The following LAMC1 variants were observed in gnomAD, a reference collection of about 807,000 sequenced individuals.
LAMC1 encodes laminin subunit gamma-1.
A neutral mutation model predicts 173.6 loss-of-function variants in LAMC1; 38 were observed. The ratio of observed to expected loss-of-function variants is 0.22; its 90% CI spans 0.17 to 0.29. LAMC1 has a LOEUF of 0.29. Ranked by LOEUF, LAMC1 falls within the 10% of genes least tolerant of loss-of-function variation. The pLI, the probability that LAMC1 is intolerant of heterozygous loss-of-function variation, is 1.00. For missense variants in LAMC1, 1,824 were observed against 2,051.8 expected, an observed-to-expected ratio of 0.89 and a Z score of 2.14; for synonymous variants, 746 against 749.1, an observed-to-expected ratio of 1.00 and a Z score of 0.07.
chr1:183,036,280 A>G (rs976535280), intron 1 of LAMC1, among the ~76,000 whole-genome samples: 13 of 148,952 alleles, frequency 8.7e-5, no homozygotes, highest in Admixed American at 5.4e-4. Context: ...TGGATTTTTT[A>G]GTAGAGATGG....
intron 19 of LAMC1, among the ~76,000 whole-genome samples, chr1:183,130,894 G>T (rs1239632155): frequency 6.6e-6 from 1 of 152,152 alleles, no homozygotes; most frequent in African/African-American, 2.4e-5. Flanking sequence ...TATTCTTGGG[G>T]CCAGGCGCGG....
rs1370273839 is a variant in LAMC1, at chr1:183,063,659, A to AT, written c.418+39531dup. Among the ~76,000 whole-genome samples, 4 of 152,182 alleles carry AT rather than the reference A, an allele frequency of 2.6e-5. No individual in the cohort carries two copies. In the East Asian group the frequency reaches 7.7e-4, roughly 29 times the overall value. On this transcript the variant is annotated intron_variant, in intron 1 of 27. Transcript: ENST00000258341. ...GTAATGTCTTATAAATCTTCCATGT[A>AT]TTTTTTCTGCAGAAACAAAAACAAA...
At chr1:183,058,794 A>G (rs1654666881) in intron 1 of LAMC1, among the ~76,000 whole-genome samples, 1 of 152,184 alleles carries the variant, frequency 6.6e-6, no homozygotes, top group Admixed American at 6.5e-5. Flanking sequence ...TCCCTGGAGC[A>G]TGAAAGAAGG....
intron 3 of LAMC1, 67 bp downstream of exon 3, chr1:183,108,473 T>G (rs1031976979): frequency 2.1e-6 from 3 of 1,415,884 alleles, no homozygotes; most frequent in African/African-American, 2.9e-5. Context: ...ATCTAGCAAC[T>G]TGTTTACAAC....
At chr1:183,063,582 G>C (rs1384574391) in intron 1 of LAMC1, among the ~76,000 whole-genome samples, 1 of 152,180 alleles carries the variant, frequency 6.6e-6, no homozygotes, top group Non-Finnish European at 1.5e-5. Context: ...TGCTTTTGTA[G>C]GGGCCATGCT....
intron 1 of LAMC1, among the ~76,000 whole-genome samples, chr1:183,101,380 A>G (rs541586632): frequency 2.6e-5 from 4 of 151,604 alleles, no homozygotes; most frequent in Admixed American, 6.6e-5. Flanking sequence ...TAAAACTTGC[A>G]TTCTTTTAAC....
intron 1 of LAMC1, among the ~76,000 whole-genome samples, chr1:183,089,776 G>C (rs112274101): frequency 0.021 from 3,159 of 152,276 alleles, 59 homozygotes; most frequent in South Asian, 0.079. Flanking sequence ...CTAGGACATA[G>C]TTTTTAATCT....
chr1:183,043,455 A>C (rs1654192251), intron 1 of LAMC1, among the ~76,000 whole-genome samples: 1 of 152,216 alleles, frequency 6.6e-6, no homozygotes, highest in Non-Finnish European at 1.5e-5. Flanking sequence ...GATAGTGATA[A>C]AACTACTGAA....
Position 183,121,718 on chromosome 1 carries a change from C to T in LAMC1, c.1991-5C>T. On this transcript the variant is annotated splice_region_variant and splice_polypyrimidine_tract_variant and intron_variant, in intron 11 of 27. Coordinates refer to ENST00000258341, the MANE Select transcript of LAMC1 (RefSeq NM_002293.4). Reference sequence around the variant, plus strand: ...CAGTGATTTTCTTTTCCTCACTATACACAGGTGCTGGATATTTGGATGATG... The same window carrying T: ...CAGTGATTTTCTTTTCCTCACTATATACAGGTGCTGGATATTTGGATGATG... The T allele has an allele frequency of 1.2e-6, 2 of 1,612,202 alleles. No homozygotes were observed. The highest frequency in any genetic ancestry group is 8.5e-7 in the Non-Finnish European group (1 of 1,179,102).
Position 183,103,525 on chromosome 1 carries a change from A to G in LAMC1, c.616A>G (p.Thr206Ala), listed in dbSNP as rs1182701637. 12 of 1,614,004 alleles carry G rather than the reference A, an allele frequency of 7.4e-6. No homozygotes were observed. Among genetic ancestry groups the G allele is most frequent in the Non-Finnish European group, 9.3e-6 (11 of 1,180,026 alleles). The change falls in exon 2 of 28, where the codon ACT (threonine) becomes GCT (alanine). Residue 206 changes from threonine to alanine, a missense_variant. Thr to Ala is a moderately conservative substitution (Grantham distance 58, BLOSUM62 0). Coordinates refer to ENST00000258341, the MANE Select transcript of LAMC1 (RefSeq NM_002293.4). ...TGGDEQQALC[T>A]DEFSDISPLT... is the part of the protein sequence containing the mutation. ...AGGGGACGAGCAGCAGGCCTTGTGT[A>G]CTGATGAATTCAGTGACATTTCTCC... is the stretch of plus-strand genomic sequence containing the variant.
chr1:183,118,220 T>G, intron 11 of LAMC1, 74 bp downstream of exon 11: 1 of 862,250 alleles, frequency 1.2e-6, no homozygotes, highest in Admixed American at 2.1e-5. Flanking sequence ...AATGCAAAAG[T>G]TTCTCTTTCC....
intron 1 of LAMC1, among the ~76,000 whole-genome samples, chr1:183,053,564 T>G (rs903349330): frequency 1.3e-4 from 20 of 152,196 alleles, no homozygotes; most frequent in African/African-American, 4.6e-4. Context: ...TGGCTGAATC[T>G]GATCAGAACA....
chr1:183,097,029 C>T (rs1655711208), intron 1 of LAMC1, among the ~76,000 whole-genome samples: 1 of 152,152 alleles, frequency 6.6e-6, no homozygotes, highest in Non-Finnish European at 1.5e-5. Context: ...GAGGATCCCA[C>T]AGTCAGTATT....
In LAMC1 at chr1:183,103,109, A is replaced by G. The variant is rs138856779; in HGVS notation, c.419-219A>G. On this transcript the variant is annotated intron_variant, in intron 1 of 27. Transcript: ENST00000258341. ...TGCACACAACATTTCCACAATGCACATCACGACAGGCCTTTATGAGCCAAC... is the reference window on the plus strand; with the variant it reads ...TGCACACAACATTTCCACAATGCACGTCACGACAGGCCTTTATGAGCCAAC... 1.9e-4 allele frequency among the ~76,000 whole-genome samples: 29 copies of G among 152,320 alleles called. No individual in the cohort carries two copies. The East Asian group carries it at 5.6e-3, about 29-fold the overall frequency.
intron 4 of LAMC1, among the ~76,000 whole-genome samples, chr1:183,111,738 A>G (rs12021640): frequency 0.1 from 15,932 of 152,214 alleles, 1,031 homozygotes; most frequent in Admixed American, 0.2. Context: ...CTTAACTTGC[A>G]GAAATTATTG....
In LAMC1 at chr1:183,132,437, A is replaced by G. The variant is rs759816680; in HGVS notation, c.3604A>G (p.Lys1202Glu). The stretch of plus-strand genomic sequence containing the variant: ...AGCTGATGACATTGTTCGAGTGGCA[A>G]AGACAGCCAATGATACGTCAACTGA... ...QEADDIVRVA[K>E]TANDTSTEAY... The change falls in exon 21 of 28, where the codon AAG (lysine) becomes GAG (glutamate). Residue 1202 changes from lysine to glutamate, a missense_variant. Physicochemically the swap from Lys to Glu is moderately conservative, Grantham distance 56 (BLOSUM62 1). Transcript: ENST00000258341. 9 of 1,613,804 alleles carry G rather than the reference A, an allele frequency of 5.6e-6. No individual in the cohort carries two copies. The highest frequency in any genetic ancestry group is 7.6e-6 in the Non-Finnish European group (9 of 1,179,718).
chr1:183,077,776 G>GTATATATATATATATATATATATATATA (rs68083893), intron 1 of LAMC1, among the ~76,000 whole-genome samples: 4 of 116,532 alleles, frequency 3.4e-5, no homozygotes, highest in African/African-American at 8.7e-5. Context: ...TGGCCATTGT[G>GTATATATATATATATATATATATATATA]TATATATATA....
At chr1:183,135,232 C>T in intron 24 of LAMC1, 76 bp downstream of exon 24, 1 of 853,384 alleles carries the variant, frequency 1.2e-6, no homozygotes, top group Non-Finnish European at 1.9e-6. Context: ...TGACTTTTAC[C>T]ATATTTATTA....
intron 1 of LAMC1, among the ~76,000 whole-genome samples, chr1:183,034,897 T>C (rs532389559): frequency 3.3e-5 from 5 of 152,282 alleles, no homozygotes; most frequent in African/African-American, 9.6e-5. Flanking sequence ...TTGAGAACTA[T>C]TGTTAGCCCC....
Sources: allele counts gnomAD v4.1 joint callset (sites outside exome capture counted in the v4.1 genomes callset), GRCh38; gene constraint gnomAD v4.1.1; transcripts MANE v1.5; gene names NCBI Gene and HGNC (gene_info 2026-07-23, HGNC 2026-07-21).